The following RUNDC3B variants were observed in gnomAD, a reference collection of about 807,000 sequenced individuals.
RUNDC3B encodes RUN domain containing 3B, also known as RUN domain-containing protein 3B.
Under a neutral mutation model 58.4 loss-of-function variants are expected in RUNDC3B, and 33 were observed. The ratio of observed to expected loss-of-function variants is 0.56; its 90% CI spans 0.43 to 0.75. The LOEUF (loss-of-function observed/expected upper bound fraction) is 0.75. RUNDC3B is among the 30% of genes least tolerant of loss of function. The pLI is 0.00. For missense variants in RUNDC3B, 501 were observed against 535.7 expected, an observed-to-expected ratio of 0.94 and a Z score of 0.64; for synonymous variants, 193 against 195.2, an observed-to-expected ratio of 0.99 and a Z score of 0.10.
chr7:87,794,420 C>A (rs1386752313), intron 8 of RUNDC3B, among the ~76,000 whole-genome samples: 2 of 151,904 alleles, frequency 1.3e-5, no homozygotes, highest in African/African-American at 4.8e-5. Context: ...GATGACAGAG[C>A]CAGACTCTGT....
chr7:87,773,343 A>AG (rs1834399380), intron 7 of RUNDC3B, among the ~76,000 whole-genome samples: 1 of 150,784 alleles, frequency 6.6e-6, no homozygotes. Context: ...AAAAAAAAAA[A>AG]GTAAGCATTC....
intron 9 of RUNDC3B, among the ~76,000 whole-genome samples, chr7:87,813,134 A>T (rs1836814523): frequency 6.6e-6 from 1 of 152,220 alleles, no homozygotes; most frequent in South Asian, 2.1e-4. Flanking sequence ...ATTGCTTCAG[A>T]ACATCATCTA....
At chr7:87,742,836 G>A (rs897245716) in intron 6 of RUNDC3B, among the ~76,000 whole-genome samples, 6 of 152,106 alleles carry the variant, frequency 3.9e-5, no homozygotes, top group Non-Finnish European at 8.8e-5. Flanking sequence ...AACTAAGGCC[G>A]GGCACAGTGG....
Position 87,628,643 on chromosome 7 carries a change from G to A in RUNDC3B, c.-181G>A. 2.7e-6 allele frequency: 1 copy of A among 375,182 alleles called. No homozygotes were observed. Among genetic ancestry groups the A allele is most frequent in the Non-Finnish European group, 4.7e-6 (1 of 214,484 alleles). The allele number at this position is 375,182 out of a possible 1,614,324, so 23.2% of individuals were successfully genotyped here. ...TGTGTGTGGAGCTCGGGTGCCAAGG[G>A]CGAGCCGTCAGTCCCCGGGTGCGAG... On this transcript the variant is annotated 5_prime_UTR_variant, in exon 1 of 11. Transcript: ENST00000394654.
chr7:87,777,830 G>A lies in RUNDC3B; in HGVS notation c.831G>A (p.Glu277=). 3 of 1,613,674 alleles carry A rather than the reference G, an allele frequency of 1.9e-6. No homozygotes were observed. The highest frequency in any genetic ancestry group is 2.5e-6 in the Non-Finnish European group (3 of 1,179,744). ...GYLEELLRLR[E]NQLSESVSQN... Reference sequence around the variant, plus strand: ...TTGAAGAACTCTTACGACTTCGAGAGAACCAACTATCTGAATCTGTCTCCC... The same window carrying A: ...TTGAAGAACTCTTACGACTTCGAGAAAACCAACTATCTGAATCTGTCTCCC... Residue 277 remains glutamate, a synonymous_variant, in exon 8 of 11, where the codon GAG becomes GAA. Transcript: ENST00000394654.
At chr7:87,829,366 A>G (rs565461759) in intron 10 of RUNDC3B, among the ~76,000 whole-genome samples, 10 of 151,694 alleles carry the variant, frequency 6.6e-5, no homozygotes, top group Non-Finnish European at 1.5e-4. Flanking sequence ...GCTTTTAAGG[A>G]CTTACGTCAT....
At chr7:87,708,175 C>G (rs1829772919) in intron 3 of RUNDC3B, among the ~76,000 whole-genome samples, 2 of 151,788 alleles carry the variant, frequency 1.3e-5, no homozygotes, top group African/African-American at 4.8e-5. Flanking sequence ...AAAATTGAAA[C>G]AAATATATAA....
intron 10 of RUNDC3B, among the ~76,000 whole-genome samples, chr7:87,825,033 CA>C (rs1837720626): frequency 6.6e-6 from 1 of 151,964 alleles, no homozygotes; most frequent in Non-Finnish European, 1.5e-5. Flanking sequence ...ACCTCCTGCA[CA>C]TGGTGAAACC....
At position 87,770,675 on chromosome 7, in the gene RUNDC3B, C is replaced by T; in HGVS notation, c.724C>T (p.Leu242Phe). Residue 242 changes from leucine to phenylalanine, a missense_variant, in exon 7 of 11, where the codon CTC (leucine) becomes TTC (phenylalanine). By Grantham distance (22) the Leu-to-Phe change is conservative. Coordinates refer to ENST00000394654, the MANE Select transcript of RUNDC3B (RefSeq NM_001134405.2). ...STPENVGPPF[L>F]MDENSWFNKC... ...TCCAGAGAATGTCGGACCTCCTTTC[C>T]TCATGGATGAGAACAGTTGGTTCAA... 6.2e-7 allele frequency: 1 copy of T among 1,613,682 alleles called. No individual in the cohort carries two copies. The highest frequency in any genetic ancestry group is 8.5e-7 in the Non-Finnish European group (1 of 1,179,640).
intron 2 of RUNDC3B, among the ~76,000 whole-genome samples, chr7:87,659,838 G>A (rs1227925679): frequency 2.6e-5 from 4 of 152,080 alleles, no homozygotes; most frequent in African/African-American, 9.7e-5. Flanking sequence ...TATTTAGCAG[G>A]AGGAAAATAC....
intron 2 of RUNDC3B, among the ~76,000 whole-genome samples, chr7:87,654,524 C>A (rs898156487): frequency 6.6e-6 from 1 of 152,018 alleles, no homozygotes; most frequent in African/African-American, 2.4e-5. Context: ...AACTGGTTAG[C>A]CACATGTAGA....
chr7:87,809,202 G>T (rs1359422672), intron 9 of RUNDC3B, among the ~76,000 whole-genome samples: 1 of 152,136 alleles, frequency 6.6e-6, no homozygotes, highest in Non-Finnish European at 1.5e-5. Context: ...CATCTGTTTA[G>T]CATGGATCTA....
At chr7:87,687,994 A>T (rs1374466216) in intron 2 of RUNDC3B, among the ~76,000 whole-genome samples, 1 of 152,186 alleles carries the variant, frequency 6.6e-6, no homozygotes, top group African/African-American at 2.4e-5. Context: ...CTGTAGTAAC[A>T]TATGAACACA....
In RUNDC3B at chr7:87,628,587, GTGTGTGT is replaced by G; in HGVS notation, c.-236_-230del. ...GGGCGGAGGTGGTGCGTGCGTGCGT[GTGTGTGT>G]GTGTGTGTGTGTGTGTGTGTGTGTG... On this transcript the variant is annotated 5_prime_UTR_variant, in exon 1 of 11. Coordinates refer to ENST00000394654, the MANE Select transcript of RUNDC3B (RefSeq NM_001134405.2). 1 of 12,222 alleles carries G rather than the reference GTGTGTGT, an allele frequency of 8.2e-5. No individual in the cohort carries two copies. The allele number at this position is 12,222 out of a possible 1,614,324, so 0.8% of individuals were successfully genotyped here.
At chr7:87,783,500 C>T (rs150000607) in intron 8 of RUNDC3B, among the ~76,000 whole-genome samples, 2,002 of 152,194 alleles carry the variant, frequency 0.013, 16 homozygotes, top group Non-Finnish European at 0.013. Flanking sequence ...AGACCGTTTA[C>T]ATTCATGGTT....
intron 1 of RUNDC3B, among the ~76,000 whole-genome samples, chr7:87,637,003 G>T (rs921730035): frequency 1.3e-5 from 2 of 152,148 alleles, no homozygotes; most frequent in Admixed American, 6.5e-5. Context: ...ACCAAGCAAA[G>T]GGGGAAGCCC....
intron 2 of RUNDC3B, among the ~76,000 whole-genome samples, chr7:87,684,108 A>G (rs1299854859): frequency 6.6e-6 from 1 of 152,234 alleles, no homozygotes; most frequent in Non-Finnish European, 1.5e-5. Flanking sequence ...TGTTAAAAAA[A>G]ATCTTTACAG....
intron 6 of RUNDC3B, among the ~76,000 whole-genome samples, chr7:87,755,031 T>C (rs1833286506): frequency 6.6e-5 from 10 of 151,466 alleles, no homozygotes; most frequent in Admixed American, 6.6e-4. Flanking sequence ...CAATTTCTTT[T>C]TTTTTTTTTG....
At chr7:87,819,744 C>T (rs573774101) in intron 10 of RUNDC3B, among the ~76,000 whole-genome samples, 2 of 152,214 alleles carry the variant, frequency 1.3e-5, no homozygotes, top group Admixed American at 1.3e-4. Flanking sequence ...CACTCAAAAC[C>T]GCTCAACTAC....
Sources: gnomAD v4.1 joint callset for allele counts (sites outside exome capture counted in the v4.1 genomes callset) on GRCh38, gnomAD v4.1.1 for gene constraint, MANE v1.5 for transcripts, NCBI Gene and HGNC (gene_info 2026-07-23, HGNC 2026-07-21) for gene names.